The following CDC42BPA variants were observed in gnomAD, a reference collection of about 807,000 sequenced individuals.
CDC42BPA encodes CDC42 binding protein kinase alpha.
A neutral mutation model predicts 223.5 loss-of-function variants in CDC42BPA; 80 were observed. The ratio of observed to expected loss-of-function variants is 0.36; its 90% CI spans 0.30 to 0.43. The LOEUF is 0.43. Among genes scored for constraint, CDC42BPA ranks in the 20% least tolerant of loss-of-function variants. The probability of loss-of-function intolerance (pLI) is 1.00; values close to 1 mark genes in which losing one functional copy is unlikely to be tolerated. For missense variants in CDC42BPA, 1,743 were observed against 2,099.9 expected (o/e 0.83, Z 3.32); for synonymous variants, 694 against 718.6 (o/e 0.97, Z 0.55).
intron 1 of CDC42BPA, among the ~76,000 whole-genome samples, chr1:227,316,543 T>C (rs966269983): frequency 2.6e-5 from 4 of 152,228 alleles, no homozygotes; most frequent in Admixed American, 2.0e-4. Context: ...AACCCACTGA[T>C]CACCACCTTC....
intron 8 of CDC42BPA, among the ~76,000 whole-genome samples, chr1:227,143,324 C>T (rs1217811611): frequency 6.6e-6 from 1 of 152,126 alleles, no homozygotes; most frequent in African/African-American, 2.4e-5. Flanking sequence ...TATTTGTAAA[C>T]CCCAAATCAA....
At chr1:227,146,122 A>G (rs1245523595) in intron 7 of CDC42BPA, among the ~76,000 whole-genome samples, 1 of 152,184 alleles carries the variant, frequency 6.6e-6, no homozygotes, top group Non-Finnish European at 1.5e-5. Flanking sequence ...ATATTTTTAA[A>G]GGACATAATA....
At chr1:227,018,058 T>TTATTA (rs756724617) in intron 32 of CDC42BPA, among the ~76,000 whole-genome samples, 12 of 143,830 alleles carry the variant, frequency 8.3e-5, no homozygotes, top group Admixed American at 7.7e-4. Context: ...ATTATTATTA[T>TTATTA]TTATTTGAGG....
chr1:227,061,376 T>C (rs1301685019), intron 21 of CDC42BPA, among the ~76,000 whole-genome samples: 3 of 152,218 alleles, frequency 2.0e-5, no homozygotes, highest in African/African-American at 7.2e-5. Flanking sequence ...ATATGAATTA[T>C]TTTAATTCTC....
chr1:227,168,871 G>A (rs1665615144), intron 5 of CDC42BPA, among the ~76,000 whole-genome samples: 1 of 151,836 alleles, frequency 6.6e-6, no homozygotes, highest in Non-Finnish European at 1.5e-5. Context: ...ATTTCTTCAG[G>A]TATTTTTTCT....
intron 30 of CDC42BPA, among the ~76,000 whole-genome samples, chr1:227,026,399 G>A (rs1300720185): frequency 6.6e-6 from 1 of 152,018 alleles, no homozygotes; most frequent in Admixed American, 6.6e-5. Context: ...AACACCAGGG[G>A]TATACTATTT....
intron 1 of CDC42BPA, among the ~76,000 whole-genome samples, chr1:227,265,986 T>C (rs1447490768): frequency 6.6e-6 from 1 of 152,206 alleles, no homozygotes; most frequent in Non-Finnish European, 1.5e-5. Flanking sequence ...TTCACTATTT[T>C]AAACCTTGTT....
chr1:227,098,945 T>C (rs1330176909), intron 15 of CDC42BPA, among the ~76,000 whole-genome samples: 1 of 152,066 alleles, frequency 6.6e-6, no homozygotes, highest in Non-Finnish European at 1.5e-5. Context: ...CATAATGCAT[T>C]AGTCCATAAC....
chr1:227,033,249 G>A, intron 27 of CDC42BPA, 85 bp downstream of exon 27: 1 of 791,314 alleles, frequency 1.3e-6, no homozygotes, highest in East Asian at 2.7e-5. Flanking sequence ...TTTACTTATA[G>A]TGAATTTATG....
chr1:227,168,497 G>GTTGTTTTTTTTTTTT (rs1665474614), intron 5 of CDC42BPA, among the ~76,000 whole-genome samples: 1 of 80,196 alleles, frequency 1.2e-5, no homozygotes, highest in Non-Finnish European at 2.4e-5. Flanking sequence ...CTTCCCTGGT[G>GTTGTTTTTTTTTTTT]TTTTTTTTTT....
intron 2 of CDC42BPA, among the ~76,000 whole-genome samples, chr1:227,227,754 A>C (rs1271506398): frequency 6.6e-6 from 1 of 152,174 alleles, no homozygotes; most frequent in Admixed American, 6.5e-5. Flanking sequence ...GAAGGCGGAA[A>C]TCTAACACGG....
intron 17 of CDC42BPA, among the ~76,000 whole-genome samples, chr1:227,078,729 A>G (rs1197454460): frequency 1.3e-5 from 2 of 152,162 alleles, no homozygotes; most frequent in African/African-American, 4.8e-5. Context: ...GTTTTGTATT[A>G]AAACTGTTCA....
At chr1:227,240,911 T>A (rs1679904420) in intron 2 of CDC42BPA, among the ~76,000 whole-genome samples, 1 of 152,076 alleles carries the variant, frequency 6.6e-6, no homozygotes, top group Non-Finnish European at 1.5e-5. Context: ...TGAAAACTTC[T>A]GCTCTAAACG....
intron 22 of CDC42BPA, among the ~76,000 whole-genome samples, chr1:227,050,075 C>T (rs903503897): frequency 5.3e-5 from 8 of 152,046 alleles, no homozygotes; most frequent in Admixed American, 1.3e-4. Flanking sequence ...TTAAAATAAG[C>T]CACAGACTGG....
rs57877424 is a variant in CDC42BPA, at chr1:227,304,400, T to C, written c.178+12605A>G. Reference sequence around the variant, plus strand: ...CAGCCTGGGCAACAAAGCAAGATTCTATCTCAAAAAAAAAACAAAAAAAGA... The same window carrying C: ...CAGCCTGGGCAACAAAGCAAGATTCCATCTCAAAAAAAAAACAAAAAAAGA... On this transcript the variant is annotated intron_variant, in intron 1 of 36. Coordinates refer to ENST00000366766, the MANE Select transcript of CDC42BPA (RefSeq NM_001394014.1). Among the ~76,000 whole-genome samples, 958 of 139,368 alleles carry C rather than the reference T, an allele frequency of 6.9e-3. 14 individuals are homozygous for C. The highest frequency in any genetic ancestry group is 0.024 in the African/African-American group (913 of 37,508). 91.4% of individuals were successfully genotyped at this position (139,368 alleles called of 152,430 possible).
At chr1:227,105,838 C>T (rs1048464865) in intron 14 of CDC42BPA, among the ~76,000 whole-genome samples, 4 of 152,064 alleles carry the variant, frequency 2.6e-5, no homozygotes, top group Non-Finnish European at 5.9e-5. Context: ...TTTCTTTATC[C>T]ATCTGTTGAT....
intron 1 of CDC42BPA, among the ~76,000 whole-genome samples, chr1:227,307,506 A>T (rs1359613501): frequency 6.7e-6 from 1 of 149,772 alleles, no homozygotes; most frequent in Non-Finnish European, 1.5e-5. Flanking sequence ...GGCAAATTCT[A>T]GGTAAAACAA....
At chr1:227,310,699 T>TG (rs1369494094) in intron 1 of CDC42BPA, among the ~76,000 whole-genome samples, 2 of 151,596 alleles carry the variant, frequency 1.3e-5, no homozygotes, top group Non-Finnish European at 2.9e-5. Context: ...TTTTGTTTTT[T>TG]TTTTTGAGAC....
chr1:227,264,720 C>T (rs1684689761), intron 1 of CDC42BPA: 4 of 710,096 alleles, frequency 5.6e-6, no homozygotes, highest in Non-Finnish European at 1.0e-5. Flanking sequence ...AAAATATATG[C>T]CAGTCCATTA....
Sources: allele counts gnomAD v4.1 joint callset (sites outside exome capture counted in the v4.1 genomes callset), GRCh38; gene constraint gnomAD v4.1.1; transcripts MANE v1.5; gene names NCBI Gene and HGNC (gene_info 2026-07-23, HGNC 2026-07-21).